Variants in PDLIM5 observed in about 807,000 individuals in gnomAD.
The protein encoded by PDLIM5 is PDZ and LIM domain 5, also known as PDZ and LIM domain protein 5.
In PDLIM5, 34 loss-of-function variants were observed where a neutral mutation model predicts 64.2. The observed-to-expected ratio is 0.53, with a 90% confidence interval of 0.40 to 0.71. The LOEUF (loss-of-function observed/expected upper bound fraction) is 0.71. Ranked by LOEUF, PDLIM5 falls within the 30% of genes least tolerant of loss-of-function variation. PDLIM5 has a pLI of 0.00. For synonymous variants in PDLIM5, 253 were observed against 269.1 expected, an observed-to-expected ratio of 0.94 and a Z score of 0.59; for missense variants, 683 against 733.6, an observed-to-expected ratio of 0.93 and a Z score of 0.80.
At chr4:94,483,076 A>T (rs1408780345) in intron 2 of PDLIM5, among the ~76,000 whole-genome samples, 1 of 152,190 alleles carries the variant, frequency 6.6e-6, no homozygotes, top group East Asian at 1.9e-4. Context: ...TCTAAAGCAT[A>T]TATTATTATG....
intron 3 of PDLIM5, among the ~76,000 whole-genome samples, chr4:94,570,131 A>G (rs1002838912): frequency 5.3e-5 from 8 of 152,100 alleles, no homozygotes; most frequent in Non-Finnish European, 1.2e-4. Context: ...TTATAATTAG[A>G]TATGCTTAGA....
chr4:94,585,070 A>C (rs942192268), intron 5 of PDLIM5: 6 of 805,594 alleles, frequency 7.4e-6, no homozygotes, highest in Non-Finnish European at 1.2e-5. Context: ...GCAGTTTTTT[A>C]CTTATAATTT....
chr4:94,456,264 TCTCGG>T, intron 2 of PDLIM5: 1 of 493,766 alleles, frequency 2.0e-6, no homozygotes, highest in Non-Finnish European at 3.6e-6. Flanking sequence ...AGTGGCGCAA[TCTCGG>T]CTCACCACAA....
intron 5 of PDLIM5, among the ~76,000 whole-genome samples, chr4:94,580,430 G>A (rs1735637092): frequency 6.6e-6 from 1 of 151,946 alleles, no homozygotes; most frequent in South Asian, 2.1e-4. Context: ...TTATATATAG[G>A]AATATTGCAT....
chr4:94,541,647 C>T (rs527924745), intron 3 of PDLIM5, among the ~76,000 whole-genome samples: 43 of 152,240 alleles, frequency 2.8e-4, no homozygotes, highest in African/African-American at 9.9e-4. Flanking sequence ...TGTCCATTAC[C>T]AGTTGAGAAG....
chr4:94,509,175 C>G (rs1347171369), intron 2 of PDLIM5, among the ~76,000 whole-genome samples: 2 of 152,112 alleles, frequency 1.3e-5, no homozygotes, highest in African/African-American at 4.8e-5. Context: ...TTGCTTGTCC[C>G]TCTGCCTGGA....
intron 8 of PDLIM5, among the ~76,000 whole-genome samples, chr4:94,623,878 CTCT>C (rs927806072): frequency 4.6e-5 from 7 of 152,192 alleles, no homozygotes; most frequent in African/African-American, 1.7e-4. Flanking sequence ...GGGAGCTCCA[CTCT>C]TCTTGAAGCA....
chr4:94,616,911 C>T (rs773799346), intron 7 of PDLIM5, among the ~76,000 whole-genome samples: 2 of 152,160 alleles, frequency 1.3e-5, no homozygotes, highest in Non-Finnish European at 2.9e-5. Flanking sequence ...TATAGTTGCA[C>T]TCCTGACTAA....
At chr4:94,519,552 A>G (rs2110124756) in intron 2 of PDLIM5, among the ~76,000 whole-genome samples, 1 of 152,332 alleles carries the variant, frequency 6.6e-6, no homozygotes, top group South Asian at 2.1e-4. Context: ...TTGTATGGAC[A>G]TAGACAAGTT....
At chr4:94,476,830 G>A (rs921725085) in intron 2 of PDLIM5, among the ~76,000 whole-genome samples, 3 of 152,154 alleles carry the variant, frequency 2.0e-5, no homozygotes, top group Admixed American at 6.5e-5. Flanking sequence ...CCTAGAATAA[G>A]TTATAAAACT....
At chr4:94,558,696 G>A (rs1733580389) in intron 3 of PDLIM5, among the ~76,000 whole-genome samples, 1 of 151,086 alleles carries the variant, frequency 6.6e-6, no homozygotes, top group Non-Finnish European at 1.5e-5. Flanking sequence ...CATTGTTGGG[G>A]GATAAAAATG....
At chr4:94,650,815 C>A (rs868458143) in intron 9 of PDLIM5, among the ~76,000 whole-genome samples, 8 of 151,660 alleles carry the variant, frequency 5.3e-5, no homozygotes, top group South Asian at 2.1e-4. Flanking sequence ...TTCTTCCCCC[C>A]ACATGCCCCG....
At chr4:94,464,880 T>G (rs1472244345) in intron 2 of PDLIM5, among the ~76,000 whole-genome samples, 1 of 152,214 alleles carries the variant, frequency 6.6e-6, no homozygotes, top group East Asian at 1.9e-4. Context: ...ATCAATGGCT[T>G]ATTCTCCTTC....
chr4:94,578,489 A>G (rs541099284), intron 5 of PDLIM5, among the ~76,000 whole-genome samples: 1 of 152,308 alleles, frequency 6.6e-6, no homozygotes, highest in Admixed American at 6.5e-5. Context: ...TCAAGTGTCT[A>G]GATATTAGGA....
intron 2 of PDLIM5, among the ~76,000 whole-genome samples, chr4:94,516,760 G>A (rs1161466775): frequency 1.3e-5 from 2 of 152,028 alleles, no homozygotes; most frequent in Admixed American, 1.3e-4. Flanking sequence ...TCAAACTCCT[G>A]GGCTCAAGCG....
chr4:94,584,920 A>T, intron 5 of PDLIM5: 1 of 1,021,832 alleles, frequency 9.8e-7, no homozygotes, highest in Non-Finnish European at 1.5e-6. Context: ...TTTTCTTATC[A>T]TTTTCCTTTC....
chr4:94,508,371 G>A (rs1728576551), intron 2 of PDLIM5, among the ~76,000 whole-genome samples: 1 of 151,712 alleles, frequency 6.6e-6, no homozygotes, highest in African/African-American at 2.4e-5. Flanking sequence ...AACTTATTAA[G>A]TGGTATTGGT....
intron 2 of PDLIM5, among the ~76,000 whole-genome samples, chr4:94,511,212 C>G (rs745625574): frequency 3.3e-5 from 5 of 152,182 alleles, no homozygotes; most frequent in Non-Finnish European, 5.9e-5. Context: ...GGCTGTCAGG[C>G]ACTTTCATAC....
intron 9 of PDLIM5, among the ~76,000 whole-genome samples, chr4:94,647,985 T>C (rs1015639942): frequency 2.6e-5 from 4 of 152,070 alleles, no homozygotes; most frequent in Admixed American, 2.0e-4. Flanking sequence ...AAATGTAATA[T>C]ACCAAAACTT....
Sources: allele counts gnomAD v4.1 joint callset (sites outside exome capture counted in the v4.1 genomes callset), GRCh38; gene constraint gnomAD v4.1.1; transcripts MANE v1.5; gene names NCBI Gene and HGNC (gene_info 2026-07-23, HGNC 2026-07-21).